The following RGL1 variants were observed in gnomAD, a reference collection of about 807,000 sequenced individuals.
The protein encoded by RGL1 is ral guanine nucleotide dissociation stimulator-like 1.
In RGL1, 24 loss-of-function variants were observed where a neutral mutation model predicts 95.2. The ratio of observed to expected loss-of-function variants is 0.25; its 90% CI spans 0.18 to 0.35. The LOEUF (loss-of-function observed/expected upper bound fraction) is 0.35, where lower values mean the gene tolerates loss of function less well. RGL1 is among the 10% of genes least tolerant of loss of function. The pLI, the probability that RGL1 is intolerant of heterozygous loss-of-function variation, is 1.00. For missense variants in RGL1, 715 were observed against 936.3 expected (o/e 0.76, Z 3.08); for synonymous variants, 329 against 344.9 (o/e 0.95, Z 0.51).
intron 2 of RGL1, among the ~76,000 whole-genome samples, chr1:183,817,171 A>G (rs1391793860): frequency 2.6e-5 from 4 of 152,206 alleles, no homozygotes. Context: ...ATCCCGATGT[A>G]GGACTTGAAC....
intron 2 of RGL1, among the ~76,000 whole-genome samples, chr1:183,810,847 C>T (rs1661660995): frequency 6.6e-6 from 1 of 152,192 alleles, no homozygotes; most frequent in South Asian, 2.1e-4. Flanking sequence ...TGAGGCGTCC[C>T]TTCTGTGTGC....
At chr1:183,852,305 T>G (rs1664870341) in intron 3 of RGL1, among the ~76,000 whole-genome samples, 1 of 152,208 alleles carries the variant, frequency 6.6e-6, no homozygotes, top group Non-Finnish European at 1.5e-5. Flanking sequence ...TAGACAGTGG[T>G]TTGAATTCAC....
At chr1:183,727,674 A>G (rs567907346) in intron 1 of RGL1, among the ~76,000 whole-genome samples, 1 of 152,316 alleles carries the variant, frequency 6.6e-6, no homozygotes, top group South Asian at 2.1e-4. Flanking sequence ...TTATTCACAG[A>G]TGACATGATC....
chr1:183,854,565 A>C (rs565023646), intron 3 of RGL1, among the ~76,000 whole-genome samples: 1 of 152,290 alleles, frequency 6.6e-6, no homozygotes, highest in South Asian at 2.1e-4. Flanking sequence ...AAAGCTTGAA[A>C]ATTTTCATTT....
At chr1:183,723,554 C>T (rs566634883) in intron 1 of RGL1, among the ~76,000 whole-genome samples, 2 of 152,328 alleles carry the variant, frequency 1.3e-5, no homozygotes, top group African/African-American at 4.8e-5. Context: ...CAGTGCTGCT[C>T]TGTCACAGTG....
chr1:183,684,908 A>G (rs899111788), intron 1 of RGL1, among the ~76,000 whole-genome samples: 5 of 152,078 alleles, frequency 3.3e-5, no homozygotes, highest in Non-Finnish European at 5.9e-5. Context: ...CTCACCCTCC[A>G]TGGGCTGCAC....
intron 1 of RGL1, among the ~76,000 whole-genome samples, chr1:183,741,209 G>A (rs1440593620): frequency 6.6e-6 from 1 of 152,196 alleles, no homozygotes; most frequent in African/African-American, 2.4e-5. Flanking sequence ...AGGAATTTGG[G>A]TTTTATTCTT....
intron 3 of RGL1, among the ~76,000 whole-genome samples, chr1:183,855,682 A>T (rs949419385): frequency 2.0e-5 from 3 of 152,200 alleles, no homozygotes; most frequent in Non-Finnish European, 4.4e-5. Flanking sequence ...CATGTGACTT[A>T]TGGTCCCAGT....
At chr1:183,838,825 G>GCTAA (rs1663841152) in intron 2 of RGL1, among the ~76,000 whole-genome samples, 1 of 152,186 alleles carries the variant, frequency 6.6e-6, no homozygotes, top group South Asian at 2.1e-4. Context: ...TTGTAGCATT[G>GCTAA]CTAATTTTCA....
chr1:183,762,020 T>A (rs921177573), intron 2 of RGL1, among the ~76,000 whole-genome samples: 2 of 152,232 alleles, frequency 1.3e-5, no homozygotes, highest in Admixed American at 6.5e-5. Context: ...GATTAGGCCT[T>A]GTTAAAGGGA....
intron 1 of RGL1, among the ~76,000 whole-genome samples, chr1:183,658,631 G>C (rs1188506828): frequency 1.3e-5 from 2 of 152,044 alleles, no homozygotes; most frequent in Non-Finnish European, 2.9e-5. Flanking sequence ...CTGGGGGCAG[G>C]GCACAGACAA....
At chr1:183,643,940 T>C (rs531117026) in intron 1 of RGL1, among the ~76,000 whole-genome samples, 2 of 152,188 alleles carry the variant, frequency 1.3e-5, no homozygotes, top group South Asian at 4.1e-4. Flanking sequence ...TCTTGGGATT[T>C]ATGTTTGGCA....
At chr1:183,655,845 A>T (rs948198652) in intron 1 of RGL1, among the ~76,000 whole-genome samples, 1 of 152,254 alleles carries the variant, frequency 6.6e-6, no homozygotes, top group Non-Finnish European at 1.5e-5. Context: ...GGAAAAGTAT[A>T]GGGTAAAGGC....
intron 1 of RGL1, among the ~76,000 whole-genome samples, chr1:183,703,953 T>C (rs1358369761): frequency 6.6e-6 from 1 of 152,124 alleles, no homozygotes; most frequent in Non-Finnish European, 1.5e-5. Context: ...GTGGAGACTT[T>C]GGGGGATAGG....
At chr1:183,747,422 G>A (rs183312683) in intron 2 of RGL1, among the ~76,000 whole-genome samples, 33 of 152,206 alleles carry the variant, frequency 2.2e-4, no homozygotes, top group Admixed American at 1.0e-3. Flanking sequence ...TTTTTTGGCC[G>A]CATAAATGTC....
intron 3 of RGL1, among the ~76,000 whole-genome samples, chr1:183,861,261 G>C (rs886258250): frequency 3.3e-5 from 5 of 152,072 alleles, no homozygotes; most frequent in African/African-American, 4.8e-5. Context: ...AGGATCACCC[G>C]CCTCCTGATC....
intron 7 of RGL1, among the ~76,000 whole-genome samples, chr1:183,886,744 G>T (rs1363351309): frequency 6.6e-6 from 1 of 151,924 alleles, no homozygotes; most frequent in Non-Finnish European, 1.5e-5. Flanking sequence ...CTTACCAGTG[G>T]TTTGCTACCA....
rs181071754 is a variant in RGL1, at chr1:183,758,783, A to G, written c.132+16494A>G. On this transcript the variant is annotated intron_variant, in intron 2 of 18. Coordinates refer to the RGL1 transcript ENST00000304685. ...TGTTTTCAACCTAACAAAGTTTGGGAACACAAACATTCAGTCCATAGTAGG... is the reference window on the plus strand; with the variant it reads ...TGTTTTCAACCTAACAAAGTTTGGGGACACAAACATTCAGTCCATAGTAGG... 4.1e-3 allele frequency among the ~76,000 whole-genome samples: 631 copies of G among 152,280 alleles called. 4 individuals carry two copies. Among genetic ancestry groups the G allele is most frequent in the African/African-American group, 0.014 (596 of 41,560 alleles).
chr1:183,678,928 G>A (rs930551455), intron 1 of RGL1, among the ~76,000 whole-genome samples: 10 of 152,148 alleles, frequency 6.6e-5, no homozygotes, highest in African/African-American at 1.2e-4. Context: ...TACTGAAGCC[G>A]CTAGGGCTGG....
Sources: gnomAD v4.1 joint callset for allele counts (sites outside exome capture counted in the v4.1 genomes callset) on GRCh38, gnomAD v4.1.1 for gene constraint, MANE v1.5 for transcripts, NCBI Gene and HGNC (gene_info 2026-07-23, HGNC 2026-07-21) for gene names.